CSMD1: variants seen among roughly 807,000 people sequenced by gnomAD.
CSMD1 encodes the protein CUB and sushi domain-containing protein 1.
In CSMD1, 213 loss-of-function variants were observed where a neutral mutation model predicts 417.5. That is an observed-to-expected ratio of 0.51 (90% CI 0.46 to 0.57). CSMD1 has a LOEUF of 0.57. Among genes scored for constraint, CSMD1 ranks in the 20% least tolerant of loss-of-function variants. The probability of loss-of-function intolerance (pLI) is 0.00; values close to 1 mark genes in which losing one functional copy is unlikely to be tolerated. For missense variants in CSMD1, 6,923 were observed against 4,529.7 expected (o/e 1.53, Z -15.17); for synonymous variants, 2,862 against 1,736.8 (o/e 1.65, Z -16.11).
Position 4,419,980 on chromosome 8 carries a change from C to T in CSMD1, c.388G>A (p.Ala130Thr). 6.3e-7 allele frequency: 1 copy of T among 1,585,360 alleles called. No homozygotes were observed. The highest frequency in any genetic ancestry group is 8.6e-7 in the Non-Finnish European group (1 of 1,164,506). Residue 130 changes from alanine (A) to threonine (T), a missense_variant, in exon 3 of 70, where the codon GCC becomes ACC. Physicochemically the swap from Ala to Thr is moderately conservative, Grantham distance 58. Coordinates refer to ENST00000635120, the MANE Select transcript of CSMD1 (RefSeq NM_033225.6). ...TCATATAATGCTTTGAAACCTTGGGCACTCACAGCGAAGTCTGTCGTGAAC... is the reference window on the plus strand; with the variant it reads ...TCATATAATGCTTTGAAACCTTGGGTACTCACAGCGAAGTCTGTCGTGAAC... The part of the protein sequence containing the change: ...LWFTTDFAVS[A>T]QGFKALYEVL...
At chr8:3,604,442 C>T (rs1801507990) in intron 8 of CSMD1, among the ~76,000 whole-genome samples, 1 of 151,958 alleles carries the variant, frequency 6.6e-6, no homozygotes, top group Non-Finnish European at 1.5e-5. Flanking sequence ...GCTGAGAGGA[C>T]AGAAGATGTC....
At chr8:4,008,508 A>G (rs949050038) in intron 4 of CSMD1, among the ~76,000 whole-genome samples, 1 of 151,254 alleles carries the variant, frequency 6.6e-6, no homozygotes, top group African/African-American at 2.4e-5. Context: ...GATGCAGAAC[A>G]AAACTTGAAG....
At chr8:4,353,412 T>A (rs938965571) in intron 3 of CSMD1, among the ~76,000 whole-genome samples, 1 of 152,166 alleles carries the variant, frequency 6.6e-6, no homozygotes, top group East Asian at 1.9e-4. Context: ...ACTAAACCTC[T>A]TTCCTTTATA....
intron 2 of CSMD1, among the ~76,000 whole-genome samples, chr8:4,482,054 A>G (rs1585146424): frequency 6.6e-6 from 1 of 152,298 alleles, no homozygotes; most frequent in East Asian, 1.9e-4. Context: ...CACCTTTATG[A>G]CTGTATACAA....
rs142006187 is a variant in CSMD1, at chr8:4,651,355, C to G, written c.86-13797G>C. 2.1e-3 allele frequency among the ~76,000 whole-genome samples: 321 copies of G among 152,186 alleles called. 1 individual carries two copies. Among genetic ancestry groups the G allele is most frequent in the African/African-American group, 7.5e-3 (311 of 41,520 alleles). On this transcript the variant is annotated intron_variant, in intron 1 of 69. Coordinates refer to ENST00000635120, the MANE Select transcript of CSMD1 (RefSeq NM_033225.6). Reference sequence around the variant, plus strand: ...TCAACCTTTAATAGCGTTGAATATTCAAGCAGATCAGCTCAAGCAGTGCAT... The same window carrying G: ...TCAACCTTTAATAGCGTTGAATATTGAAGCAGATCAGCTCAAGCAGTGCAT...
At chr8:3,286,974 T>C (rs1013423782) in intron 25 of CSMD1, among the ~76,000 whole-genome samples, 4 of 152,188 alleles carry the variant, frequency 2.6e-5, no homozygotes, top group Admixed American at 2.0e-4. Flanking sequence ...ATTTAAGTCT[T>C]TAATCCATCT....
chr8:3,488,376 G>T (rs539499265), intron 11 of CSMD1, among the ~76,000 whole-genome samples: 1 of 151,992 alleles, frequency 6.6e-6, no homozygotes, highest in Non-Finnish European at 1.5e-5. Flanking sequence ...CCAAAGTTCC[G>T]GGATTATAGG....
chr8:3,908,920 G>A (rs913514745), intron 5 of CSMD1, among the ~76,000 whole-genome samples: 3 of 152,166 alleles, frequency 2.0e-5, no homozygotes, highest in Non-Finnish European at 4.4e-5. Flanking sequence ...CATCTATCTT[G>A]CTTTGCAAGC....
At chr8:4,449,430 A>T (rs148603751) in intron 2 of CSMD1, among the ~76,000 whole-genome samples, 2 of 152,106 alleles carry the variant, frequency 1.3e-5, no homozygotes, top group South Asian at 2.1e-4. Context: ...GTAGAAGTTC[A>T]TATTTTTCCC....
chr8:4,284,411 G>T (rs1397300205), intron 3 of CSMD1, among the ~76,000 whole-genome samples: 1 of 122,964 alleles, frequency 8.1e-6, no homozygotes, highest in African/African-American at 3.2e-5. Flanking sequence ...TGTTCTTCAG[G>T]AGAGACAAAC....
chr8:4,767,630 G>C (rs924409776), intron 1 of CSMD1, among the ~76,000 whole-genome samples: 14 of 152,128 alleles, frequency 9.2e-5, no homozygotes, highest in African/African-American at 2.9e-4. Context: ...ATTACTTTAA[G>C]CTTCTTCGTC....
At chr8:3,943,087 T>C (rs750546926) in intron 5 of CSMD1, among the ~76,000 whole-genome samples, 14 of 152,046 alleles carry the variant, frequency 9.2e-5, no homozygotes, top group Non-Finnish European at 1.6e-4. Context: ...TTACCCCACA[T>C]TACCTGGGAT....
chr8:4,356,775 T>G (rs908372948), intron 3 of CSMD1, among the ~76,000 whole-genome samples: 2 of 152,168 alleles, frequency 1.3e-5, no homozygotes, highest in African/African-American at 4.8e-5. Context: ...CGAGTTCTTC[T>G]CTCAAAGCAG....
At chr8:4,394,587 C>T (rs1804075498) in intron 3 of CSMD1, among the ~76,000 whole-genome samples, 1 of 152,222 alleles carries the variant, frequency 6.6e-6, no homozygotes, top group Non-Finnish European at 1.5e-5. Flanking sequence ...CTGTGGATGC[C>T]CCCAGTAGCT....
intron 23 of CSMD1, among the ~76,000 whole-genome samples, chr8:3,330,429 G>C (rs1806816738): frequency 2.0e-5 from 3 of 152,178 alleles, no homozygotes; most frequent in Admixed American, 1.3e-4. Flanking sequence ...AAAGGAATGA[G>C]ATCATGTCTT....
At chr8:3,329,412 A>G (rs1168339010) in intron 23 of CSMD1, among the ~76,000 whole-genome samples, 1 of 152,102 alleles carries the variant, frequency 6.6e-6, no homozygotes, top group Non-Finnish European at 1.5e-5. Context: ...CCCTTCAAGC[A>G]GATGGAGAGT....
At chr8:4,330,291 A>T (rs1799796234) in intron 3 of CSMD1, among the ~76,000 whole-genome samples, 2 of 145,966 alleles carry the variant, frequency 1.4e-5, no homozygotes. Flanking sequence ...AAGTAACACT[A>T]TATTGTCAAT....
In CSMD1 at chr8:4,624,653, G is replaced by C. The variant is rs144474157; in HGVS notation, c.302+12689C>G. On this transcript the variant is annotated intron_variant, in intron 2 of 69. Transcript: ENST00000635120. ...CCTGGCAACGGTGGGTCGGTGCCCA[G>C]CAGCAGCTGCTCTGTTTACACGGGA... Among the ~76,000 whole-genome samples, 54 of 152,232 alleles carry C rather than the reference G, an allele frequency of 3.5e-4. No individual in the cohort carries two copies. The East Asian group carries it at 9.3e-3, about 26-fold the overall frequency.
intron 2 of CSMD1, among the ~76,000 whole-genome samples, chr8:4,539,916 C>A (rs1297544353): frequency 3.9e-5 from 6 of 152,108 alleles, no homozygotes; most frequent in Non-Finnish European, 7.4e-5. Flanking sequence ...AATCTCAGGG[C>A]TGGATTTCTC....
Sources: allele counts gnomAD v4.1 joint callset (sites outside exome capture counted in the v4.1 genomes callset), GRCh38; gene constraint gnomAD v4.1.1; transcripts MANE v1.5; gene names NCBI Gene and HGNC (gene_info 2026-07-23, HGNC 2026-07-21).